SLC8B1: variants seen among roughly 807,000 people sequenced by gnomAD.
The protein encoded by SLC8B1 is solute carrier family 8 member B1.
A neutral mutation model predicts 63.4 loss-of-function variants in SLC8B1; 52 were observed. The observed-to-expected ratio is 0.82, with a 90% CI of 0.66 to 1.03. The LOEUF (loss-of-function observed/expected upper bound fraction) is 1.03. Ranked by LOEUF, SLC8B1 falls within the 50% of genes least tolerant of loss-of-function variation. The probability of loss-of-function intolerance (pLI) is 0.00; values close to 1 mark genes in which losing one functional copy is unlikely to be tolerated. For missense variants in SLC8B1, 657 were observed against 741.7 expected, an observed-to-expected ratio of 0.89 and a Z score of 1.33; for synonymous variants, 336 against 323.9, an observed-to-expected ratio of 1.04 and a Z score of -0.40.
intron 8 of SLC8B1, 79 bp downstream of exon 8, chr12:113,318,885 G>A: frequency 9.0e-7 from 1 of 1,114,436 alleles, no homozygotes; most frequent in South Asian, 1.3e-5. Flanking sequence ...ATGGCCTCAG[G>A]AGACCCTGGG....
chr12:113,327,681 CAAAAAAA>C (rs1190508653), intron 2 of SLC8B1, among the ~76,000 whole-genome samples: 1 of 104,776 alleles, frequency 9.5e-6, no homozygotes, highest in Non-Finnish European at 2.0e-5. Context: ...GACTCTGTCT[CAAAAAAA>C]AAAAAAAAAA....
intron 15 of SLC8B1, chr12:113,302,621 A>G (rs1003873304): frequency 2.2e-6 from 1 of 456,100 alleles, no homozygotes; most frequent in Non-Finnish European, 4.4e-6. Flanking sequence ...TCCAACACGC[A>G]GTGAAGACAT....
chr12:113,327,606 C>T (rs1206690775), intron 2 of SLC8B1, among the ~76,000 whole-genome samples: 1 of 150,726 alleles, frequency 6.6e-6, no homozygotes, highest in African/African-American at 2.4e-5. Flanking sequence ...AACTTGAACC[C>T]GGGAGGCGGA....
intron 2 of SLC8B1, among the ~76,000 whole-genome samples, chr12:113,326,102 G>T (rs1466071495): frequency 1.3e-5 from 2 of 152,180 alleles, no homozygotes; most frequent in African/African-American, 4.8e-5. Context: ...TGCAAGCCAA[G>T]AATGATTCTT....
At position 113,315,430 on chromosome 12, in the gene SLC8B1, G is replaced by A. The variant is rs768959545; in HGVS notation, c.1040C>T (p.Pro347Leu). ...LLLLTVPVVD[P>L]DKDDQNWKRP... ...TTTCCAGTTCTGGTCATCCTTGTCC[G>A]GGTCCACGACGGGGACTGTGAGGAG... Residue 347 changes from proline (P) to leucine (L), a missense_variant, in exon 11 of 16, where the codon CCG becomes CTG. Coordinates refer to ENST00000680972, the MANE Select transcript of SLC8B1 (RefSeq NM_001358345.2). 9 of 1,600,044 alleles carry A rather than the reference G, an allele frequency of 5.6e-6. No homozygotes were observed. The highest frequency in any genetic ancestry group is 2.3e-5 in the East Asian group (1 of 44,342).
chr12:113,299,476 C>T lies in SLC8B1; in HGVS notation c.*301G>A. ...CCAGCCATCCCCTTCCCCCAAACTC[C>T]AGCCCTTCTCAGAGGGGCTCTGGGG... On this transcript the variant is annotated 3_prime_UTR_variant, in exon 16 of 16. Transcript: ENST00000680972. 1 of 369,896 alleles carries T rather than the reference C, an allele frequency of 2.7e-6. No individual in the cohort carries two copies. The highest frequency in any genetic ancestry group is 2.5e-5 in the South Asian group (1 of 39,484). 22.9% of individuals were successfully genotyped at this position (369,896 alleles called of 1,614,324 possible).
chr12:113,321,165 C>G, intron 3 of SLC8B1, 31 bp downstream of exon 3: 1 of 1,613,980 alleles, frequency 6.2e-7, no homozygotes, highest in South Asian at 1.1e-5. Context: ...ACACCAGCCC[C>G]TCTCACCAGC....
chr12:113,319,132 G>A, intron 7 of SLC8B1, 61 bp from the exon 8 acceptor site: 3 of 1,308,538 alleles, frequency 2.3e-6, no homozygotes, highest in Non-Finnish European at 3.3e-6. Flanking sequence ...GAGAACAACA[G>A]CTGGCAGTTC....
At position 113,332,974 on chromosome 12, in the gene SLC8B1, G is replaced by T; in HGVS notation, c.-82-14C>A. 6.8e-7 allele frequency: 1 copy of T among 1,462,210 alleles called. No individual in the cohort carries two copies. The highest frequency in any genetic ancestry group is 9.3e-7 in the Non-Finnish European group (1 of 1,080,972). 90.6% of individuals were successfully genotyped at this position (1,462,210 alleles called of 1,614,324 possible). A position where few individuals can be genotyped will look rare whatever the true frequency, so the allele number is the denominator to read the frequency against. On this transcript the variant is annotated splice_polypyrimidine_tract_variant and intron_variant, in intron 1 of 15. Coordinates refer to ENST00000680972, the MANE Select transcript of SLC8B1 (RefSeq NM_001358345.2). ...GGCTCCGGTGGCCTGCAAGGTGGGA[G>T]TGAGAAAGGGGGACAACATTACTGA...
At chr12:113,319,465 C>A (rs1479938591) in intron 7 of SLC8B1, 1 of 204,898 alleles carries the variant, frequency 4.9e-6, no homozygotes, top group African/African-American at 2.3e-5. Flanking sequence ...TTTCTTCCTA[C>A]TCCCTCCCTG....
At chr12:113,311,991 G>C (rs548720034) in intron 11 of SLC8B1, among the ~76,000 whole-genome samples, 1 of 152,154 alleles carries the variant, frequency 6.6e-6, no homozygotes, top group South Asian at 2.1e-4. Flanking sequence ...TTAGGAGGTG[G>C]CTGGGGCGTG....
chr12:113,314,597 G>C (rs1422366323), intron 11 of SLC8B1, among the ~76,000 whole-genome samples: 3 of 152,180 alleles, frequency 2.0e-5, no homozygotes, highest in African/African-American at 7.2e-5. Flanking sequence ...GGACCAGCCA[G>C]GTCACATAAA....
chr12:113,320,620 C>A lies in SLC8B1; in HGVS notation c.487G>T (p.Asp163Tyr). ...DIFSALVAFS[D>Y]PHTAGLALGA... The stretch of plus-strand genomic sequence containing the variant: ...AGGGCCAGGCCGGCTGTGTGCGGGT[C>A]AGAGAAGGCCACCAGGGCACTGAAG... The change falls in exon 6 of 16, where the codon GAC (aspartate) becomes TAC (tyrosine). Residue 163 changes from aspartate to tyrosine, a missense_variant. Transcript: ENST00000680972. The surrounding 1 kb of genome is among the most constrained non-coding windows in gnomAD (Gnocchi z 5.3). The A allele has an allele frequency of 6.2e-7, 1 of 1,614,088 alleles. No individual in the cohort carries two copies. Among genetic ancestry groups the A allele is most frequent in the South Asian group, 1.1e-5 (1 of 91,070 alleles).
chr12:113,325,454 G>T (rs1242297486), intron 2 of SLC8B1, among the ~76,000 whole-genome samples: 1 of 151,916 alleles, frequency 6.6e-6, no homozygotes, highest in African/African-American at 2.4e-5. Context: ...AGAGATGGAG[G>T]TCTTGCTATG....
chr12:113,303,071 T>TAC (rs368824979), intron 15 of SLC8B1, among the ~76,000 whole-genome samples: 11,249 of 130,186 alleles, frequency 0.086, 443 homozygotes, highest in East Asian at 0.12. Context: ...CACACACACG[T>TAC]ACACACACAC....
chr12:113,304,362 C>A lies in SLC8B1; in HGVS notation c.1516G>T (p.Gly506Cys). ...IFNILVGVGL[G>C]CLLQISRSHT... ...CTTCGGGAGATCTGGAGCAGGCAGCCCAGCCCCACACCCACGAGGATGTCT... is the reference window on the plus strand; with the variant it reads ...CTTCGGGAGATCTGGAGCAGGCAGCACAGCCCCACACCCACGAGGATGTCT... Residue 506 changes from glycine (G) to cysteine (C), a missense_variant, in exon 15 of 16, where the codon GGC becomes TGC. Transcript: ENST00000680972. 6.2e-7 allele frequency: 1 copy of A among 1,614,018 alleles called. No homozygotes were observed. Among genetic ancestry groups the A allele is most frequent in the Non-Finnish European group, 8.5e-7 (1 of 1,179,940 alleles).
In SLC8B1 at chr12:113,299,852, C is replaced by G; in HGVS notation, c.1680G>C (p.Leu560=). Residue 560 remains leucine, a synonymous_variant, in exon 16 of 16, where the codon CTG becomes CTC. Transcript: ENST00000680972. ...FQLSRVYGFC[L]LLFYLNFLVV... is the part of the protein sequence containing the mutation. The stretch of plus-strand genomic sequence containing the variant: ...CAAGGAAGTTCAGGTAGAAGAGGAG[C>G]AGGCAGAAGCCATAGACTCTGCTGA... 1 of 1,614,210 alleles carries G rather than the reference C, an allele frequency of 6.2e-7. No individual in the cohort carries two copies. The highest frequency in any genetic ancestry group is 8.5e-7 in the Non-Finnish European group (1 of 1,180,020).
At position 113,321,251 on chromosome 12, in the gene SLC8B1, T is replaced by C. The variant is rs1956923391; in HGVS notation, c.254A>G (p.Glu85Gly). The C allele has an allele frequency of 1.9e-6, 3 of 1,614,122 alleles. No homozygotes were observed. Among genetic ancestry groups the C allele is most frequent in the African/African-American group, 1.3e-5 (1 of 75,022 alleles). ...HSDGGYLDYL[E>G]GIFCHFPPSL... ...GGGAGGGAAGTGGCAGAAGATGCCTTCCAGGTAGTCCAGGTACCCCCCATC... is the reference window on the plus strand; with the variant it reads ...GGGAGGGAAGTGGCAGAAGATGCCTCCCAGGTAGTCCAGGTACCCCCCATC... Residue 85 changes from glutamate to glycine, a missense_variant, in exon 3 of 16, where the codon GAA (glutamate) becomes GGA (glycine). By Grantham distance (98) the Glu-to-Gly change is moderately conservative. Coordinates refer to ENST00000680972, the MANE Select transcript of SLC8B1 (RefSeq NM_001358345.2).
intron 11 of SLC8B1, among the ~76,000 whole-genome samples, chr12:113,311,248 C>T (rs1024593661): frequency 6.6e-5 from 10 of 152,090 alleles, no homozygotes; most frequent in African/African-American, 1.7e-4. Context: ...GTCTGGAGTT[C>T]GGGACAAACC....
Sources: gnomAD v4.1 joint callset for allele counts (sites outside exome capture counted in the v4.1 genomes callset) on GRCh38, gnomAD v4.1.1 for gene constraint, Gnocchi (gnomAD v3.1) non-coding constraint, MANE v1.5 for transcripts, NCBI Gene and HGNC (gene_info 2026-07-23, HGNC 2026-07-21) for gene names.